Variants in RETREG1 observed in about 807,000 individuals in gnomAD.
The protein encoded by RETREG1 is family with sequence similarity 134 member B.
A neutral mutation model predicts 54.8 loss-of-function variants in RETREG1; 44 were observed. The ratio of observed to expected loss-of-function variants is 0.80; its 90% CI spans 0.63 to 1.03. The LOEUF is 1.03. Among genes scored for constraint, RETREG1 ranks in the 50% least tolerant of loss-of-function variants. The probability of loss-of-function intolerance (pLI) is 0.00; values close to 1 mark genes in which losing one functional copy is unlikely to be tolerated. For synonymous variants in RETREG1, 217 were observed against 238.5 expected (o/e 0.91, Z 0.83); for missense variants, 554 against 605.1 (o/e 0.92, Z 0.89).
chr5:16,496,538 C>T (rs540051079), intron 3 of RETREG1, among the ~76,000 whole-genome samples: 66 of 152,308 alleles, frequency 4.3e-4, no homozygotes, highest in Non-Finnish European at 8.1e-4. Flanking sequence ...AGAAACATGG[C>T]CATGCCTACC....
rs535585955 is a variant in RETREG1 at position 16,549,635 on chromosome 5, G to A, written c.458+16128C>T. On this transcript the variant is annotated intron_variant, in intron 3 of 8. Coordinates refer to ENST00000306320, the MANE Select transcript of RETREG1 (RefSeq NM_001034850.3). ...CATGATACATCCATTAAAATCCCTT[G>A]GAAGCAAGATTATTTCATCCAAACT... 8.5e-5 allele frequency among the ~76,000 whole-genome samples: 13 copies of A among 152,158 alleles called. No individual in the cohort carries two copies. In the South Asian group the frequency reaches 2.7e-3, roughly 32 times the overall value.
intron 1 of RETREG1, among the ~76,000 whole-genome samples, chr5:16,576,282 T>TTTTTC (rs1742314169): frequency 1.4e-5 from 2 of 146,196 alleles, no homozygotes; most frequent in African/African-American, 5.0e-5. Context: ...AAAAACAAGA[T>TTTTTC]TTTTTCTTTT....
At chr5:16,484,981 C>A (rs1055931007) in intron 3 of RETREG1, among the ~76,000 whole-genome samples, 1 of 152,078 alleles carries the variant, frequency 6.6e-6, no homozygotes, top group Non-Finnish European at 1.5e-5. Context: ...GGTTTGCATA[C>A]CCCATGATTC....
At chr5:16,477,552 A>T in intron 8 of RETREG1, 110 bp downstream of exon 8, 1 of 1,027,530 alleles carries the variant, frequency 9.7e-7, no homozygotes, top group Non-Finnish European at 1.5e-6. Flanking sequence ...GTAATATTCT[A>T]CTGTGTAGAT....
intron 1 of RETREG1, among the ~76,000 whole-genome samples, chr5:16,578,322 T>C (rs1425362499): frequency 5.3e-5 from 8 of 152,360 alleles, no homozygotes; most frequent in Non-Finnish European, 8.8e-5. Context: ...ACGGTTACAA[T>C]TTGCTAGATT....
chr5:16,477,764 CTT>C lies in RETREG1; in HGVS notation c.896_897del (p.Lys299ArgfsTer6), dbSNP rs772234101. 6 of 1,613,420 alleles carry C rather than the reference CTT, an allele frequency of 3.7e-6. No individual in the cohort carries two copies. Among genetic ancestry groups the C allele is most frequent in the South Asian group, 1.1e-5 (1 of 91,070 alleles). On this transcript the variant is annotated frameshift_variant, in exon 8 of 9. Coordinates refer to ENST00000306320, the MANE Select transcript of RETREG1 (RefSeq NM_001034850.3). LOFTEE classifies it high-confidence loss of function. ...CPKISLTVAA[K>X]ELSVSDTDVS... Reference sequence around the variant, plus strand: ...ACGTCTGTGTCAGACACAGATAACTCTTTGGCAGCAACCGTGAGGCTAATCTG... The same window carrying C: ...ACGTCTGTGTCAGACACAGATAACTCTGGCAGCAACCGTGAGGCTAATCTG...
At chr5:16,613,270 G>A (rs993957161) in intron 1 of RETREG1, among the ~76,000 whole-genome samples, 9 of 152,020 alleles carry the variant, frequency 5.9e-5, no homozygotes, top group Non-Finnish European at 2.9e-5. Context: ...TGAAATATTA[G>A]GTACACCTTC....
intron 3 of RETREG1, among the ~76,000 whole-genome samples, chr5:16,520,706 T>C (rs1740508162): frequency 6.6e-6 from 1 of 152,238 alleles, no homozygotes; most frequent in Non-Finnish European, 1.5e-5. Context: ...GCAGTTAAAA[T>C]TAATTAAATT....
At chr5:16,558,726 A>G (rs973348322) in intron 3 of RETREG1, among the ~76,000 whole-genome samples, 1 of 152,240 alleles carries the variant, frequency 6.6e-6, no homozygotes, top group African/African-American at 2.4e-5. Context: ...GAAGTCTAGT[A>G]GTTACAACAC....
At position 16,572,105 on chromosome 5, in the gene RETREG1, G is replaced by A. The variant is rs1742188545; in HGVS notation, c.321-3C>T. 1.3e-6 allele frequency: 2 copies of A among 1,599,602 alleles called. No homozygotes were observed. The highest frequency in any genetic ancestry group is 3.3e-5 in the Admixed American group (2 of 59,992). On this transcript the variant is annotated splice_region_variant and splice_polypyrimidine_tract_variant and intron_variant, in intron 1 of 8. Coordinates refer to ENST00000306320, the MANE Select transcript of RETREG1 (RefSeq NM_001034850.3). ...TCCATGGAGTCAATGCAAGGAACCT[G>A]CAACAGCGAAACACAAATCAGTATT...
At chr5:16,602,265 G>A (rs1743073173) in intron 1 of RETREG1, among the ~76,000 whole-genome samples, 1 of 152,156 alleles carries the variant, frequency 6.6e-6, no homozygotes. Context: ...TCAGGATGTT[G>A]ACTTTGTCCT....
intron 1 of RETREG1, 108 bp from the exon 2 acceptor site, chr5:16,572,210 TCA>T: frequency 2.7e-6 from 2 of 754,442 alleles, no homozygotes; most frequent in African/African-American, 1.8e-5. Flanking sequence ...AATAATGATT[TCA>T]CTTTTTTTTT....
intron 1 of RETREG1, among the ~76,000 whole-genome samples, chr5:16,573,731 G>GTTTTTTTTTT (rs1454072189): frequency 9.1e-6 from 1 of 109,818 alleles, no homozygotes; most frequent in Non-Finnish European, 2.1e-5. Context: ...TTTTGGGTTT[G>GTTTTTTTTTT]TTTGTTTTTT....
chr5:16,484,396 T>C (rs1738937241), intron 3 of RETREG1, among the ~76,000 whole-genome samples: 1 of 152,142 alleles, frequency 6.6e-6, no homozygotes, highest in African/African-American at 2.4e-5. Context: ...TTTAAGAGAT[T>C]ATTGAGAGAT....
chr5:16,511,246 ACT>A (rs1293403069), intron 3 of RETREG1, among the ~76,000 whole-genome samples: 1 of 152,002 alleles, frequency 6.6e-6, no homozygotes, highest in Admixed American at 6.6e-5. Flanking sequence ...GTGGTGGGGT[ACT>A]CTCTTATGAA....
intron 3 of RETREG1, among the ~76,000 whole-genome samples, chr5:16,536,968 C>T (rs1046893093): frequency 1.3e-5 from 2 of 152,114 alleles, no homozygotes; most frequent in African/African-American, 4.8e-5. Context: ...GAGCTCCCAT[C>T]GTCAGAGAGT....
rs545636116 is a variant in RETREG1, at chr5:16,616,504, C to T, written c.320+148G>A. 173 of 1,363,380 alleles carry T rather than the reference C, an allele frequency of 1.3e-4. No homozygotes were observed. The African/African-American group carries it at 2.2e-3, about 18-fold the overall frequency. 84.5% of individuals were successfully genotyped at this position (1,363,380 alleles called of 1,614,324 possible). A position where few individuals can be genotyped will look rare whatever the true frequency, so the allele number is the denominator to read the frequency against. ...AAGTTGCGGTGAGTGTCTACCTGTT[C>T]GAGACAGGTGGCCGAGAAAGTGGGG... On this transcript the variant is annotated intron_variant, in intron 1 of 8. Coordinates refer to ENST00000306320, the MANE Select transcript of RETREG1 (RefSeq NM_001034850.3).
chr5:16,476,817 AC>A (rs1427371910), intron 8 of RETREG1, among the ~76,000 whole-genome samples: 18 of 152,126 alleles, frequency 1.2e-4, no homozygotes, highest in African/African-American at 4.3e-4. Context: ...TGGGCTTAAT[AC>A]CTAGGTGATG....
Position 16,534,210 on chromosome 5 carries a change from G to A in RETREG1, c.458+31553C>T, listed in dbSNP as rs972589234. 5.3e-5 allele frequency among the ~76,000 whole-genome samples: 8 copies of A among 152,292 alleles called. No individual in the cohort carries two copies. In the South Asian group the frequency reaches 1.0e-3, roughly 20 times the overall value. ...CACACCTGTAATCCCAGCATTTTGGGAGGCCAAGTTGGGAGCTATCATCAT... is the reference window on the plus strand; with the variant it reads ...CACACCTGTAATCCCAGCATTTTGGAAGGCCAAGTTGGGAGCTATCATCAT... On this transcript the variant is annotated intron_variant, in intron 3 of 8. Coordinates refer to ENST00000306320, the MANE Select transcript of RETREG1 (RefSeq NM_001034850.3).
Sources: gnomAD v4.1 joint callset for allele counts (sites outside exome capture counted in the v4.1 genomes callset) on GRCh38, gnomAD v4.1.1 for gene constraint, MANE v1.5 for transcripts, NCBI Gene and HGNC (gene_info 2026-07-23, HGNC 2026-07-21) for gene names.